ELFN2: variants seen among roughly 807,000 people sequenced by gnomAD.
ELFN2 encodes extracellular leucine rich repeat and fibronectin type III domain containing 2, also known as protein phosphatase 1 regulatory subunit 29.
Under a neutral mutation model 45.5 loss-of-function variants are expected in ELFN2, and 17 were observed. The ratio of observed to expected loss-of-function variants is 0.37; its 90% CI spans 0.26 to 0.56. ELFN2 has a LOEUF of 0.56. Among genes scored for constraint, ELFN2 ranks in the 20% least tolerant of loss-of-function variants. The pLI is 0.77. For synonymous variants in ELFN2, 550 were observed against 551.5 expected (o/e 1.00, Z 0.04); for missense variants, 922 against 1,183.2 (o/e 0.78, Z 3.24).
At chr22:37,396,949 C>T (rs1932228714) in intron 2 of ELFN2, among the ~76,000 whole-genome samples, 1 of 152,038 alleles carries the variant, frequency 6.6e-6, no homozygotes, top group Admixed American at 6.6e-5. Flanking sequence ...TCCTTTTTTT[C>T]CAGGCAGAGG....
intron 2 of ELFN2, among the ~76,000 whole-genome samples, chr22:37,396,077 G>A (rs556903552): frequency 1.3e-5 from 2 of 152,194 alleles, no homozygotes; most frequent in Non-Finnish European, 2.9e-5. Flanking sequence ...TTCCACATCC[G>A]ATGAGCACCT....
At position 37,391,204 on chromosome 22, in the gene ELFN2, C is replaced by G. The variant is rs374652338; in HGVS notation, c.-462-15208G>C. Among the ~76,000 whole-genome samples the G allele has an allele frequency of 1.1e-3, 175 of 152,316 alleles. 1 individual carries two copies. The highest frequency in any genetic ancestry group is 4.1e-3 in the African/African-American group (170 of 41,564). On this transcript the variant is annotated intron_variant, in intron 2 of 2. Transcript: ENST00000402918. Reference sequence around the variant, plus strand: ...CCGCCCAAGGCTGCGTGGGGGCCATCCTCTGGCTCCCGACCCCCATCCCAG... The same window carrying G: ...CCGCCCAAGGCTGCGTGGGGGCCATGCTCTGGCTCCCGACCCCCATCCCAG...
intron 2 of ELFN2, among the ~76,000 whole-genome samples, chr22:37,406,831 G>T (rs1173697366): frequency 2.6e-5 from 4 of 152,218 alleles, no homozygotes; most frequent in Admixed American, 6.5e-5. Flanking sequence ...TGGGCAGGTG[G>T]AATTTCAGGG....
At chr22:37,406,079 C>A (rs1367096072) in intron 2 of ELFN2, among the ~76,000 whole-genome samples, 1 of 152,046 alleles carries the variant, frequency 6.6e-6, no homozygotes, top group African/African-American at 2.4e-5. Flanking sequence ...GAGGTTGAGG[C>A]TGCAATGAGC....
chr22:37,426,811 G>T (rs553062216), intron 1 of ELFN2: 2 of 107,994 alleles, frequency 1.9e-5, no homozygotes, highest in Admixed American at 1.1e-4. Context: ...CCCCACCGCC[G>T]TCAAGCCCCA....
chr22:37,412,277 C>CAA (rs56073200), intron 2 of ELFN2, among the ~76,000 whole-genome samples: 36 of 92,232 alleles, frequency 3.9e-4, no homozygotes, highest in East Asian at 1.2e-3. Flanking sequence ...AACTCCGTCT[C>CAA]AAAAAAAAAA....
At position 37,415,239 on chromosome 22, in the gene ELFN2, G is replaced by T. The variant is rs371645783; in HGVS notation, c.-463+2530C>A. ...TGATGCCAAAATGGTAGACAGGACA[G>T]TCTTCCCCTGACTCGGTTATTCTCA... On this transcript the variant is annotated intron_variant, in intron 2 of 2. Coordinates refer to ENST00000402918, the MANE Select transcript of ELFN2 (RefSeq NM_052906.5). 1.3e-4 allele frequency among the ~76,000 whole-genome samples: 20 copies of T among 152,346 alleles called. 1 individual carries two copies. In the East Asian group the frequency reaches 2.7e-3, roughly 21 times the overall value.
At chr22:37,403,063 A>G (rs1932405002) in intron 2 of ELFN2, among the ~76,000 whole-genome samples, 1 of 151,990 alleles carries the variant, frequency 6.6e-6, no homozygotes, top group South Asian at 2.1e-4. Flanking sequence ...CCATAGCCGC[A>G]GCCTATCCCA....
downstream of ELFN2, among the ~76,000 whole-genome samples, chr22:37,365,905 T>TCAGCAC (rs1555918707): frequency 6.6e-6 from 1 of 151,584 alleles, no homozygotes; most frequent in Non-Finnish European, 1.5e-5. Flanking sequence ...TCACGATATC[T>TCAGCAC]GAGCACGTGT....
rs545871579 is a variant in ELFN2, at chr22:37,427,010, C to A, written c.-614+288G>T. The A allele has an allele frequency of 1.8e-4, 27 of 152,702 alleles. No individual in the cohort carries two copies. In the South Asian group the frequency reaches 4.7e-3, roughly 27 times the overall value. 9.5% of individuals were successfully genotyped at this position (152,702 alleles called of 1,614,324 possible). On this transcript the variant is annotated intron_variant, in intron 1 of 2. Coordinates refer to ENST00000402918, the MANE Select transcript of ELFN2 (RefSeq NM_052906.5). ...CGTCCACCATCGAGCCTCTGCACCA[C>A]CCCCAGAAACGCTCACCTCACCGAC... is the stretch of plus-strand genomic sequence containing the variant.
rs776922187 is a variant in ELFN2 at position 37,374,211 on chromosome 22, G to A, written c.1324C>T (p.Arg442Cys). Residue 442 changes from arginine to cysteine, a missense_variant, in exon 3 of 3, where the codon CGC becomes TGC. Physicochemically the swap from Arg to Cys is radical, Grantham distance 180 (BLOSUM62 -3). Transcript: ENST00000402918. ...VNVKKTILEM[R>C]YGADVDAGSI... Reference sequence around the variant, plus strand: ...CCGGCATCCACATCAGCCCCGTAGCGCATCTCCAGGATGGTCTTCTTGACG... The same window carrying A: ...CCGGCATCCACATCAGCCCCGTAGCACATCTCCAGGATGGTCTTCTTGACG... 4 of 1,613,662 alleles carry A rather than the reference G, an allele frequency of 2.5e-6. No homozygotes were observed. Among genetic ancestry groups the A allele is most frequent in the Middle Eastern group, 1.6e-4 (1 of 6,084 alleles).
intron 2 of ELFN2, among the ~76,000 whole-genome samples, chr22:37,391,436 C>T (rs917240123): frequency 1.3e-5 from 2 of 152,148 alleles, no homozygotes; most frequent in African/African-American, 4.8e-5. Context: ...GACACAGGCC[C>T]AGGAACAGAG....
rs1251812452 is a variant in ELFN2, at chr22:37,398,736, C to T, written c.-463+19033G>A. On this transcript the variant is annotated intron_variant, in intron 2 of 2. Coordinates refer to ENST00000402918, the MANE Select transcript of ELFN2 (RefSeq NM_052906.5). ...GACAAACTGCTCCCCGCTTCACACACGCAGGCGTGCACACACACGCATCTA... is the reference window on the plus strand; with the variant it reads ...GACAAACTGCTCCCCGCTTCACACATGCAGGCGTGCACACACACGCATCTA... Among the ~76,000 whole-genome samples, 6 of 139,642 alleles carry T rather than the reference C, an allele frequency of 4.3e-5. No individual in the cohort carries two copies. The East Asian group carries it at 6.5e-4, about 15-fold the overall frequency. The allele number at this position is 139,642 out of a possible 152,430, so 91.6% of individuals were successfully genotyped here. A position where few individuals can be genotyped will look rare whatever the true frequency, so the allele number is the denominator to read the frequency against.
intron 2 of ELFN2, among the ~76,000 whole-genome samples, chr22:37,389,888 C>T (rs1421677410): frequency 6.6e-6 from 1 of 152,176 alleles, no homozygotes; most frequent in Admixed American, 6.5e-5. Context: ...CTCAGGGCGG[C>T]CAGTCGTCTC....
chr22:37,386,216 A>G (rs4821661), intron 2 of ELFN2, among the ~76,000 whole-genome samples: 123,941 of 152,138 alleles, frequency 0.81, 50,669 homozygotes, highest in African/African-American at 0.89. Context: ...AAGCATGGCC[A>G]CTGTGGACAC....
intron 1 of ELFN2, among the ~76,000 whole-genome samples, chr22:37,344,691 A>T (rs1930653744): frequency 6.6e-6 from 1 of 152,154 alleles, no homozygotes; most frequent in African/African-American, 2.4e-5. Flanking sequence ...CGTGGCCCTC[A>T]GGGGAAGCCT....
intron 2 of ELFN2, among the ~76,000 whole-genome samples, chr22:37,393,043 C>T (rs1932123639): frequency 1.3e-5 from 2 of 152,214 alleles, no homozygotes; most frequent in Admixed American, 6.5e-5. Context: ...TGATCAAACC[C>T]CTCTTTCACA....
intron 2 of ELFN2, among the ~76,000 whole-genome samples, chr22:37,382,564 A>ATTTT (rs1569135120): frequency 5.5e-5 from 7 of 128,274 alleles, no homozygotes; most frequent in Middle Eastern, 4.1e-3. Flanking sequence ...TTTTTTTTTA[A>ATTTT]AAACAGACTC....
chr22:37,398,119 T>C (rs1932265824), intron 2 of ELFN2, among the ~76,000 whole-genome samples: 1 of 152,090 alleles, frequency 6.6e-6, no homozygotes, highest in South Asian at 2.1e-4. Flanking sequence ...TCTAACAGGG[T>C]CCCCATTTGA....
Sources: allele counts gnomAD v4.1 joint callset (sites outside exome capture counted in the v4.1 genomes callset), GRCh38; gene constraint gnomAD v4.1.1; transcripts MANE v1.5; gene names NCBI Gene and HGNC (gene_info 2026-07-23, HGNC 2026-07-21).